The following SLC25A31 variants were observed in gnomAD, a reference collection of about 807,000 sequenced individuals.
SLC25A31 encodes the protein ADP/ATP translocase 4.
Under a neutral mutation model 36.2 loss-of-function variants are expected in SLC25A31, and 40 were observed. The ratio of observed to expected loss-of-function variants is 1.10; its 90% CI spans 0.86 to 1.44. The LOEUF is 1.44. Among genes scored for constraint, SLC25A31 ranks in the 40% most tolerant of loss-of-function variants. The pLI is 0.00. For missense variants in SLC25A31, 350 were observed against 397.1 expected, an observed-to-expected ratio of 0.88 and a Z score of 1.01; for synonymous variants, 143 against 149.7, an observed-to-expected ratio of 0.96 and a Z score of 0.32.
At chr4:127,751,427 T>C (rs1578662696) in intron 2 of SLC25A31, among the ~76,000 whole-genome samples, 1 of 152,166 alleles carries the variant, frequency 6.6e-6, no homozygotes, top group Non-Finnish European at 1.5e-5. Flanking sequence ...TAATTCAAGA[T>C]GGATTAAAGA....
chr4:127,749,270 T>A (rs1220713121), intron 2 of SLC25A31, among the ~76,000 whole-genome samples: 1 of 152,144 alleles, frequency 6.6e-6, no homozygotes, highest in Admixed American at 6.5e-5. Context: ...ATAAGGAACC[T>A]ATGAGACACC....
intron 1 of SLC25A31, among the ~76,000 whole-genome samples, chr4:127,741,256 C>T (rs1731727348): frequency 6.6e-6 from 1 of 152,120 alleles, no homozygotes; most frequent in African/African-American, 2.4e-5. Context: ...ACTTAAGGTA[C>T]TATATTGAAT....
chr4:127,747,914 G>A (rs1313893680), intron 2 of SLC25A31, among the ~76,000 whole-genome samples: 2 of 152,172 alleles, frequency 1.3e-5, no homozygotes, highest in Non-Finnish European at 2.9e-5. Flanking sequence ...GGCACACAGG[G>A]AAGAGACCTA....
chr4:127,769,642 A>T (rs1732313183), intron 5 of SLC25A31, among the ~76,000 whole-genome samples: 1 of 152,228 alleles, frequency 6.6e-6, no homozygotes, highest in Non-Finnish European at 1.5e-5. Flanking sequence ...GTGACAGAAA[A>T]AGACAAAATC....
chr4:127,735,212 A>G (rs1412802140), intron 1 of SLC25A31, among the ~76,000 whole-genome samples: 1 of 152,210 alleles, frequency 6.6e-6, no homozygotes, highest in Non-Finnish European at 1.5e-5. Context: ...ATTGGACCTG[A>G]GACAAGAAGA....
intron 1 of SLC25A31, among the ~76,000 whole-genome samples, chr4:127,732,666 A>T (rs1731551260): frequency 6.6e-6 from 1 of 152,282 alleles, no homozygotes; most frequent in African/African-American, 2.4e-5. Flanking sequence ...TTGTAAGTTG[A>T]TATCATTCTC....
rs150075442 is a variant in SLC25A31, at chr4:127,747,567, C to T, written c.360+2768C>T. ...TGTGACTGTATGAGGTTTTAAAAGT[C>T]AGTTTACTTCTCTGATCCCTAGTTT... On this transcript the variant is annotated intron_variant, in intron 2 of 5. Transcript: ENST00000281154. Among the ~76,000 whole-genome samples the T allele has an allele frequency of 1.3e-3, 193 of 152,184 alleles. 3 individuals are homozygous for T. In the East Asian group the frequency reaches 0.028, roughly 22 times the overall value.
intron 3 of SLC25A31, among the ~76,000 whole-genome samples, 188 bp downstream of exon 3, chr4:127,764,548 G>GGA (rs1472368670): frequency 1.3e-5 from 2 of 152,068 alleles, no homozygotes; most frequent in Non-Finnish European, 2.9e-5. Context: ...AGGGAAGGAG[G>GGA]GAAAGCCTGT....
intron 3 of SLC25A31, 61 bp downstream of exon 3, chr4:127,764,421 A>G (rs1732201298): frequency 2.2e-6 from 3 of 1,339,456 alleles, no homozygotes; most frequent in Non-Finnish European, 3.2e-6. Context: ...TCTGTTATTT[A>G]TTGGCATTAA....
intron 2 of SLC25A31, among the ~76,000 whole-genome samples, chr4:127,763,939 A>G (rs1179128459): frequency 6.6e-6 from 1 of 152,210 alleles, no homozygotes; most frequent in African/African-American, 2.4e-5. Context: ...TATACAGCGT[A>G]AAGAGATGAT....
intron 1 of SLC25A31, among the ~76,000 whole-genome samples, chr4:127,732,494 C>T (rs1380850501): frequency 6.6e-6 from 1 of 152,180 alleles, no homozygotes; most frequent in African/African-American, 2.4e-5. Flanking sequence ...TCTAAGACTT[C>T]TGAAGAGAAG....
chr4:127,753,609 C>A (rs933840896), intron 2 of SLC25A31, among the ~76,000 whole-genome samples: 1 of 152,030 alleles, frequency 6.6e-6, no homozygotes, highest in African/African-American at 2.4e-5. Flanking sequence ...TAGAAACATA[C>A]AACTTATCAA....
At chr4:127,769,943 T>G (rs541916867) in intron 5 of SLC25A31, among the ~76,000 whole-genome samples, 69 of 152,350 alleles carry the variant, frequency 4.5e-4, no homozygotes, top group South Asian at 2.5e-3. Context: ...AAAACTAGAA[T>G]AGTAATATAG....
intron 2 of SLC25A31, among the ~76,000 whole-genome samples, chr4:127,755,514 C>T (rs1254499639): frequency 6.6e-6 from 1 of 152,074 alleles, no homozygotes; most frequent in Non-Finnish European, 1.5e-5. Flanking sequence ...CGAAGACATA[C>T]AGATAGACAA....
At chr4:127,731,028 A>G (rs1045650041) in intron 1 of SLC25A31, among the ~76,000 whole-genome samples, 2 of 152,202 alleles carry the variant, frequency 1.3e-5, no homozygotes, top group African/African-American at 4.8e-5. Context: ...CTAAATCTGC[A>G]GTGCGATTTA....
chr4:127,746,384 C>A (rs1385153743), intron 2 of SLC25A31, among the ~76,000 whole-genome samples: 1 of 152,084 alleles, frequency 6.6e-6, no homozygotes, highest in East Asian at 1.9e-4. Flanking sequence ...CACAATGGTC[C>A]AGCTAATTTA....
chr4:127,773,510 C>T lies in SLC25A31; in HGVS notation c.884C>T (p.Ala295Val). 1 of 1,612,462 alleles carries T rather than the reference C, an allele frequency of 6.2e-7. No homozygotes were observed. Among genetic ancestry groups the T allele is most frequent in the African/African-American group, 1.3e-5 (1 of 74,840 alleles). The change falls in exon 6 of 6, where the codon GCT (alanine) becomes GTT (valine). Residue 295 changes from alanine to valine, a missense_variant. Ala to Val is a moderately conservative substitution (Grantham distance 64, BLOSUM62 0). Transcript: ENST00000281154. ...FSNVLRGTGG[A>V]LVLVLYDKIK... ...AATGTTCTTCGCGGTACAGGGGGTG[C>T]TTTGGTGTTGGTATTATATGATAAA...
intron 5 of SLC25A31, among the ~76,000 whole-genome samples, chr4:127,770,876 C>G (rs1732344216): frequency 6.6e-6 from 1 of 151,858 alleles, no homozygotes; most frequent in Non-Finnish European, 1.5e-5. Context: ...CCTCTGAAGA[C>G]CTCTCTCCTT....
At chr4:127,738,450 TTTTA>T (rs764453206) in intron 1 of SLC25A31, among the ~76,000 whole-genome samples, 2 of 152,190 alleles carry the variant, frequency 1.3e-5, no homozygotes, top group Non-Finnish European at 2.9e-5. Flanking sequence ...TGACTTCTGT[TTTTA>T]TTCTGTTGTG....
Sources: allele counts gnomAD v4.1 joint callset (sites outside exome capture counted in the v4.1 genomes callset), GRCh38; gene constraint gnomAD v4.1.1; transcripts MANE v1.5; gene names NCBI Gene and HGNC (gene_info 2026-07-23, HGNC 2026-07-21).